Variants in NRXN1 observed in about 807,000 individuals in gnomAD.
NRXN1 encodes neurexin-1.
NRXN1 carries 39 observed loss-of-function variants against 150.9 expected under a neutral mutation model. That is an observed-to-expected ratio of 0.26 (90% CI 0.20 to 0.34). The LOEUF (loss-of-function observed/expected upper bound fraction) is 0.34. Among genes scored for constraint, NRXN1 ranks in the 10% least tolerant of loss-of-function variants. NRXN1 has a pLI of 1.00. For missense variants in NRXN1, 1,815 were observed against 1,949.9 expected (o/e 0.93, Z 1.30); for synonymous variants, 924 against 757.0 (o/e 1.22, Z -3.62).
Position 50,557,107 on chromosome 2 carries a change from G to A in NRXN1, c.1321-4082C>T, listed in dbSNP as rs13393910. On this transcript the variant is annotated intron_variant, in intron 8 of 22. Coordinates refer to ENST00000401669, the MANE Select transcript of NRXN1 (RefSeq NM_001330078.2). The stretch of plus-strand genomic sequence containing the variant: ...ATCTTCTCGTACACAGACATGCCTC[G>A]AGGATTATATCTACCTAAGTTTTGT... Among the ~76,000 whole-genome samples, 376 of 152,230 alleles carry A rather than the reference G, an allele frequency of 2.5e-3. 1 individual carries two copies. Among genetic ancestry groups the A allele is most frequent in the African/African-American group, 8.7e-3 (362 of 41,548 alleles).
chr2:49,999,629 T>C (rs919008749), intron 21 of NRXN1, among the ~76,000 whole-genome samples: 1 of 152,182 alleles, frequency 6.6e-6, no homozygotes, highest in African/African-American at 2.4e-5. Context: ...TCAGTATAAA[T>C]TTCAAATTAA....
intron 2 of NRXN1, among the ~76,000 whole-genome samples, chr2:50,954,829 G>A (rs1313762588): frequency 6.6e-6 from 1 of 152,180 alleles, no homozygotes; most frequent in African/African-American, 2.4e-5. Flanking sequence ...TTCACTGTCA[G>A]AACTGGAATG....
At chr2:50,707,805 A>T (rs1428970791) in intron 5 of NRXN1, among the ~76,000 whole-genome samples, 1 of 152,182 alleles carries the variant, frequency 6.6e-6, no homozygotes, top group African/African-American at 2.4e-5. Flanking sequence ...CTTAGCCTAG[A>T]GATAAAATAT....
At chr2:50,590,716 C>A (rs62142317) in intron 8 of NRXN1, among the ~76,000 whole-genome samples, 1 of 152,106 alleles carries the variant, frequency 6.6e-6, no homozygotes, top group Admixed American at 6.5e-5. Context: ...GAGGATACAG[C>A]AAGAAGATGG....
chr2:50,314,446 C>A (rs1422154028), intron 17 of NRXN1, among the ~76,000 whole-genome samples: 1 of 152,002 alleles, frequency 6.6e-6, no homozygotes, highest in Non-Finnish European at 1.5e-5. Context: ...CAACTCACCA[C>A]AATTAAAACA....
intron 18 of NRXN1, among the ~76,000 whole-genome samples, chr2:50,177,572 C>T (rs1303137346): frequency 3.3e-5 from 5 of 151,404 alleles, no homozygotes; most frequent in South Asian, 2.1e-4. Context: ...TCTCAAAAGC[C>T]CCAAAATAGT....
chr2:50,504,088 T>C (rs1174246801), intron 13 of NRXN1, among the ~76,000 whole-genome samples: 1 of 102,332 alleles, frequency 9.8e-6, no homozygotes, highest in Non-Finnish European at 2.1e-5. Context: ...GAAAAACAAA[T>C]AAAGTTTATG....
At chr2:50,048,925 G>T (rs1038983655) in intron 21 of NRXN1, among the ~76,000 whole-genome samples, 1 of 152,008 alleles carries the variant, frequency 6.6e-6, no homozygotes, top group African/African-American at 2.4e-5. Context: ...TCAAAAACCA[G>T]AATCTCTCAA....
intron 5 of NRXN1, among the ~76,000 whole-genome samples, chr2:50,724,959 C>T (rs925829169): frequency 2.6e-5 from 4 of 151,986 alleles, no homozygotes; most frequent in Non-Finnish European, 5.9e-5. Context: ...AGGGTAGGCA[C>T]GATTCTAGGT....
At chr2:50,152,283 A>G (rs1444684737) in intron 18 of NRXN1, among the ~76,000 whole-genome samples, 2 of 151,830 alleles carry the variant, frequency 1.3e-5, no homozygotes, top group Admixed American at 6.6e-5. Context: ...TTATATAAGT[A>G]GAATCATACA....
intron 5 of NRXN1, chr2:50,829,341 G>A: frequency 1.3e-6 from 1 of 744,000 alleles, no homozygotes; most frequent in Non-Finnish European, 2.3e-6. Context: ...TGTTGATCAG[G>A]ACAGTCAAAC....
chr2:50,289,464 C>A (rs2072627578), intron 17 of NRXN1, among the ~76,000 whole-genome samples: 1 of 152,028 alleles, frequency 6.6e-6, no homozygotes, highest in Non-Finnish European at 1.5e-5. Flanking sequence ...TATTCACTGC[C>A]TTTTCATATG....
chr2:49,947,750 G>C (rs571690903), intron 21 of NRXN1, among the ~76,000 whole-genome samples: 93 of 151,678 alleles, frequency 6.1e-4, no homozygotes, highest in South Asian at 1.2e-3. Flanking sequence ...GAGAACCCCT[G>C]CTCAAAACAT....
chr2:50,407,973 G>C (rs1046996929), intron 17 of NRXN1, among the ~76,000 whole-genome samples: 1 of 152,110 alleles, frequency 6.6e-6, no homozygotes, highest in Non-Finnish European at 1.5e-5. Context: ...TTGTATGTTT[G>C]TTTTTCCTAT....
chr2:50,510,208 C>G (rs1399458688), intron 12 of NRXN1, among the ~76,000 whole-genome samples: 3 of 152,128 alleles, frequency 2.0e-5, no homozygotes, highest in Non-Finnish European at 2.9e-5. Flanking sequence ...CTATAGCTGG[C>G]TGGGCATGGT....
chr2:50,750,845 T>C (rs1029754607), intron 5 of NRXN1, among the ~76,000 whole-genome samples: 1 of 152,064 alleles, frequency 6.6e-6, no homozygotes, highest in African/African-American at 2.4e-5. Context: ...ACGTCATTCT[T>C]AATAACTATG....
intron 17 of NRXN1, among the ~76,000 whole-genome samples, chr2:50,317,136 T>C (rs916035353): frequency 6.6e-6 from 1 of 151,926 alleles, no homozygotes; most frequent in Non-Finnish European, 1.5e-5. Flanking sequence ...TTACTAGACA[T>C]GGAGGAGATA....
At chr2:50,683,782 A>G (rs551470107) in intron 5 of NRXN1, among the ~76,000 whole-genome samples, 1 of 149,862 alleles carries the variant, frequency 6.7e-6, no homozygotes, top group Non-Finnish European at 1.5e-5. Context: ...CAGTACAGTG[A>G]CTGATGTTCA....
chr2:50,941,370 T>C (rs146999485), intron 2 of NRXN1, among the ~76,000 whole-genome samples: 2 of 152,218 alleles, frequency 1.3e-5, no homozygotes, highest in South Asian at 2.1e-4. Context: ...GGGCAGAAAT[T>C]GGAATAGTTT....
Sources: gnomAD v4.1 joint callset for allele counts (sites outside exome capture counted in the v4.1 genomes callset) on GRCh38, gnomAD v4.1.1 for gene constraint, MANE v1.5 for transcripts, NCBI Gene and HGNC (gene_info 2026-07-23, HGNC 2026-07-21) for gene names.